The following RCBTB2 variants were observed in gnomAD, a reference collection of about 807,000 sequenced individuals.
RCBTB2 encodes RCC1 and BTB domain containing protein 2.
RCBTB2 carries 55 observed loss-of-function variants against 65.4 expected under a neutral mutation model. The ratio of observed to expected loss-of-function variants is 0.84; its 90% CI spans 0.68 to 1.05. The LOEUF (loss-of-function observed/expected upper bound fraction) is 1.05. Among genes scored for constraint, RCBTB2 ranks in the 50% least tolerant of loss-of-function variants. The pLI is 0.00. For synonymous variants in RCBTB2, 220 were observed against 255.2 expected, an observed-to-expected ratio of 0.86 and a Z score of 1.31; for missense variants, 599 against 680.1, an observed-to-expected ratio of 0.88 and a Z score of 1.33.
chr13:48,532,611 G>T (rs1411745496), intron 1 of RCBTB2: 1 of 192,718 alleles, frequency 5.2e-6, no homozygotes, highest in East Asian at 1.9e-4. Flanking sequence ...GGATGAGAGC[G>T]GCCTCCGAGC....
intron 10 of RCBTB2, among the ~76,000 whole-genome samples, chr13:48,508,200 G>T (rs1225311189): frequency 6.6e-6 from 1 of 152,196 alleles, no homozygotes; most frequent in Non-Finnish European, 1.5e-5. Context: ...GGGTTCCCCA[G>T]GGATAAGTTA....
intron 4 of RCBTB2, among the ~76,000 whole-genome samples, chr13:48,517,753 G>C (rs1462184742): frequency 2.0e-5 from 3 of 152,188 alleles, no homozygotes; most frequent in Non-Finnish European, 4.4e-5. Flanking sequence ...AGTTTTCTGA[G>C]AAACCCGAAG....
chr13:48,503,307 T>C (rs1380927719), intron 10 of RCBTB2, among the ~76,000 whole-genome samples: 2 of 151,982 alleles, frequency 1.3e-5, no homozygotes, highest in African/African-American at 4.8e-5. Flanking sequence ...CTGAAGAAAA[T>C]AATAAAGATT....
chr13:48,499,774 G>T lies in RCBTB2; in HGVS notation c.1245-14C>A. 1 of 1,614,030 alleles carries T rather than the reference G, an allele frequency of 6.2e-7. No individual in the cohort carries two copies. The highest frequency in any genetic ancestry group is 8.5e-7 in the Non-Finnish European group (1 of 1,179,936). ...AAATGCTCACATCTGAAGGAAAAAA[G>T]CAGTATGTCAGGTCCTAGCTTCCCA... On this transcript the variant is annotated splice_polypyrimidine_tract_variant and intron_variant, in intron 12 of 14. Transcript: ENST00000344532.
At chr13:48,499,142 ACTCTCTCTCTCTCTCTCTCTCTCTCT>A (rs568053175) in intron 13 of RCBTB2, among the ~76,000 whole-genome samples, 7 of 132,258 alleles carry the variant, frequency 5.3e-5, no homozygotes, top group African/African-American at 2.1e-4. Context: ...ACACACACAC[ACTCTCTCTCTCTCTCTCTCTCTCTCT>A]CACACACACA....
chr13:48,535,255 C>CTTT (rs563743014), upstream of RCBTB2, among the ~76,000 whole-genome samples: 5 of 136,304 alleles, frequency 3.7e-5, no homozygotes, highest in African/African-American at 1.1e-4. Context: ...TATTCATCCT[C>CTTT]TTTTTTTTTT....
At chr13:48,499,814 C>G in intron 12 of RCBTB2, 54 bp from the exon 13 acceptor site, 1 of 1,604,140 alleles carries the variant, frequency 6.2e-7, no homozygotes, top group South Asian at 1.1e-5. Flanking sequence ...GGACAGATGG[C>G]CTCTGTGAGG....
At chr13:48,496,701 AAAGAAAAGAAAAG>A (rs1346161048) in intron 13 of RCBTB2, among the ~76,000 whole-genome samples, 1 of 150,802 alleles carries the variant, frequency 6.6e-6, no homozygotes, top group Admixed American at 6.6e-5. Context: ...CCGTGAAAAG[AAAGAAAAGAAAAG>A]AAGAAAAGAA....
intron 10 of RCBTB2, among the ~76,000 whole-genome samples, chr13:48,505,492 A>G (rs1201531539): frequency 6.6e-6 from 1 of 152,246 alleles, no homozygotes; most frequent in Non-Finnish European, 1.5e-5. Context: ...AATGGTTAAC[A>G]ATATTTGGCT....
intron 10 of RCBTB2, among the ~76,000 whole-genome samples, chr13:48,508,401 C>T (rs948683246): frequency 1.3e-5 from 2 of 151,288 alleles, no homozygotes; most frequent in African/African-American, 2.5e-5. Context: ...TCATTTAAAA[C>T]ATTCATCCAT....
In RCBTB2 at chr13:48,498,059, G is replaced by T. The variant is rs532312211; in HGVS notation, c.1384+1562C>A. On this transcript the variant is annotated intron_variant, in intron 13 of 14. Transcript: ENST00000344532. ...AATTGGCCTTGAGGCCACATGTGTG[G>T]GTATTTCCTCCCTTAGACCCCACCA... is the stretch of plus-strand genomic sequence containing the variant. Among the ~76,000 whole-genome samples the T allele has an allele frequency of 3.3e-5, 5 of 152,304 alleles. No homozygotes were observed. The East Asian group carries it at 9.7e-4, about 29-fold the overall frequency.
chr13:48,496,415 T>C (rs1482967723), intron 13 of RCBTB2, 94 bp from the exon 14 acceptor site: 1 of 1,276,420 alleles, frequency 7.8e-7, no homozygotes, highest in African/African-American at 1.5e-5. Context: ...TTGACACTAT[T>C]TTAGATATAA....
intron 3 of RCBTB2, 100 bp downstream of exon 3, chr13:48,522,208 T>C: frequency 1.2e-6 from 1 of 826,114 alleles, no homozygotes; most frequent in Non-Finnish European, 1.9e-6. Context: ...GAAAAAGTAG[T>C]CTCAAAATTC....
chr13:48,523,441 C>T (rs913387613), intron 2 of RCBTB2, among the ~76,000 whole-genome samples: 8 of 152,162 alleles, frequency 5.3e-5, no homozygotes, highest in East Asian at 1.9e-4. Flanking sequence ...AAAGGGCAGA[C>T]GATTCCTTCA....
At chr13:48,516,357 C>T (rs1247512841) in intron 4 of RCBTB2, among the ~76,000 whole-genome samples, 3 of 152,158 alleles carry the variant, frequency 2.0e-5, no homozygotes, top group Non-Finnish European at 4.4e-5. Flanking sequence ...TAGTGACAAA[C>T]GAGGTGGCTT....
upstream of RCBTB2, among the ~76,000 whole-genome samples, chr13:48,534,823 T>C (rs983008524): frequency 6.6e-6 from 1 of 152,244 alleles, no homozygotes; most frequent in Admixed American, 6.5e-5. Flanking sequence ...TTCAGTAGAC[T>C]AAAAATTTAG....
At position 48,489,822 on chromosome 13, in the gene RCBTB2, G is replaced by T; in HGVS notation, c.*289C>A. 1 of 404,606 alleles carries T rather than the reference G, an allele frequency of 2.5e-6. No individual in the cohort carries two copies. The highest frequency in any genetic ancestry group is 4.2e-5 in the Admixed American group (1 of 23,860). The allele number at this position is 404,606 out of a possible 1,614,324, so 25.1% of individuals were successfully genotyped here. ...GCCAGAATAGCATATACTGAGACCA[G>T]GGTACCAAAGGTGTCCAATTTAAGT... On this transcript the variant is annotated 3_prime_UTR_variant, in exon 15 of 15. Coordinates refer to ENST00000344532, the MANE Select transcript of RCBTB2 (RefSeq NM_001268.4).
chr13:48,499,840 C>A, intron 12 of RCBTB2, 80 bp from the exon 13 acceptor site: 1 of 1,523,264 alleles, frequency 6.6e-7, no homozygotes, highest in Non-Finnish European at 9.0e-7. Flanking sequence ...GTTCTTCTCT[C>A]GAAGGTGCAC....
chr13:48,507,533 A>T, intron 10 of RCBTB2, among the ~76,000 whole-genome samples: 1 of 152,262 alleles, frequency 6.6e-6, no homozygotes, highest in Non-Finnish European at 1.5e-5. Context: ...TGAGGGAATG[A>T]TCAACAACAA....
Sources: allele counts gnomAD v4.1 joint callset (sites outside exome capture counted in the v4.1 genomes callset), GRCh38; gene constraint gnomAD v4.1.1; transcripts MANE v1.5; gene names NCBI Gene and HGNC (gene_info 2026-07-23, HGNC 2026-07-21).